USP34: variants seen among roughly 807,000 people sequenced by gnomAD.
USP34 encodes the protein ubiquitin specific peptidase 34.
Under a neutral mutation model 460.3 loss-of-function variants are expected in USP34, and 70 were observed. The ratio of observed to expected loss-of-function variants is 0.15; its 90% CI spans 0.13 to 0.19. USP34 has a LOEUF of 0.19. USP34 is among the 10% of genes least tolerant of loss of function. The pLI is 1.00. For synonymous variants in USP34, 1,647 were observed against 1,405.3 expected, an observed-to-expected ratio of 1.17 and a Z score of -3.85; for missense variants, 3,985 against 4,236.2, an observed-to-expected ratio of 0.94 and a Z score of 1.65.
At chr2:61,296,971 A>T (rs556958573) in intron 29 of USP34, 46 bp from the exon 30 acceptor site, 1 of 1,541,624 alleles carries the variant, frequency 6.5e-7, no homozygotes, top group South Asian at 1.2e-5. Context: ...ATCAGAAAAG[A>T]AAAAGTTTTA....
intron 20 of USP34, among the ~76,000 whole-genome samples, chr2:61,327,054 G>C (rs1265742158): frequency 6.6e-6 from 1 of 151,934 alleles, no homozygotes; most frequent in African/African-American, 2.4e-5. Flanking sequence ...CCAAAGTGCT[G>C]GGATTTCAGG....
At chr2:61,428,546 A>G (rs949819912) in intron 1 of USP34, among the ~76,000 whole-genome samples, 1 of 152,208 alleles carries the variant, frequency 6.6e-6, no homozygotes, top group Non-Finnish European at 1.5e-5. Context: ...CACAACCTAT[A>G]AAACAGTCTT....
chr2:61,403,811 C>A (rs918526443), intron 3 of USP34, among the ~76,000 whole-genome samples: 2 of 151,700 alleles, frequency 1.3e-5, no homozygotes, highest in African/African-American at 2.4e-5. Context: ...CAGGGTGAAG[C>A]CCCATCTCTA....
chr2:61,302,181 GATGA>G (rs1558518686), intron 27 of USP34, among the ~76,000 whole-genome samples: 1 of 152,138 alleles, frequency 6.6e-6, no homozygotes, highest in East Asian at 1.9e-4. Context: ...TTAAATGTCT[GATGA>G]ATAATTTAAA....
chr2:61,321,205 G>C (rs1690909984), intron 21 of USP34, among the ~76,000 whole-genome samples: 1 of 152,106 alleles, frequency 6.6e-6, no homozygotes, highest in Admixed American at 6.5e-5. Flanking sequence ...AGGCGCAGTG[G>C]CTCATGCCTG....
intron 29 of USP34, among the ~76,000 whole-genome samples, chr2:61,297,618 C>G (rs1169839975): frequency 6.6e-6 from 1 of 152,174 alleles, no homozygotes; most frequent in African/African-American, 2.4e-5. Context: ...AAATTTATTA[C>G]TACTGCTACT....
chr2:61,321,815 A>G (rs1177621567), intron 21 of USP34, among the ~76,000 whole-genome samples: 1 of 152,218 alleles, frequency 6.6e-6, no homozygotes, highest in African/African-American at 2.4e-5. Context: ...GGGGGAGGTA[A>G]TCCTAAAAAT....
intron 41 of USP34, among the ~76,000 whole-genome samples, chr2:61,272,321 G>C (rs1426400899): frequency 4.7e-5 from 7 of 149,924 alleles, no homozygotes; most frequent in Admixed American, 4.0e-4. Context: ...TGCAGCGGGA[G>C]AATGGTGTGA....
At chr2:61,373,368 T>C (rs1692690175) in intron 8 of USP34, among the ~76,000 whole-genome samples, 1 of 139,176 alleles carries the variant, frequency 7.2e-6, no homozygotes, top group African/African-American at 2.8e-5. Flanking sequence ...ATATGACTAG[T>C]TTTTTTTTTT....
rs372006766 is a variant in USP34 at position 61,241,719 on chromosome 2, T to C, written c.6681+47A>G. 29 of 1,506,326 alleles carry C rather than the reference T, an allele frequency of 1.9e-5. No homozygotes were observed. In the African/African-American group the frequency reaches 4.0e-4, roughly 21 times the overall value. The allele number at this position is 1,506,326 out of a possible 1,614,324, so 93.3% of individuals were successfully genotyped here. On this transcript the variant is annotated intron_variant, in intron 52 of 79. Transcript: ENST00000398571. Reference sequence around the variant, plus strand: ...AAAGTATTACTCTAAAAGTAGACAATGCAGAAGAAAAAACAATATAAAATT... The same window carrying C: ...AAAGTATTACTCTAAAAGTAGACAACGCAGAAGAAAAAACAATATAAAATT...
At chr2:61,325,794 C>T (rs181995677) in intron 20 of USP34, among the ~76,000 whole-genome samples, 1 of 152,126 alleles carries the variant, frequency 6.6e-6, no homozygotes, top group African/African-American at 2.4e-5. Context: ...TAAAAAACAC[C>T]ATCTCTATCT....
chr2:61,327,262 G>A (rs746746565), intron 20 of USP34, among the ~76,000 whole-genome samples: 1 of 152,128 alleles, frequency 6.6e-6, no homozygotes, highest in Non-Finnish European at 1.5e-5. Context: ...TCTTATTAAT[G>A]CTGGCAAAGA....
At chr2:61,297,998 G>A (rs72813520) in intron 29 of USP34, among the ~76,000 whole-genome samples, 1,893 of 152,102 alleles carry the variant, frequency 0.012, 43 homozygotes, top group Non-Finnish European at 0.012. Context: ...TCATCATTCC[G>A]TTGTAAATAA....
chr2:61,418,371 C>T (rs1173554964), intron 2 of USP34, among the ~76,000 whole-genome samples: 1 of 152,200 alleles, frequency 6.6e-6, no homozygotes, highest in African/African-American at 2.4e-5. Context: ...TGAGCAACCA[C>T]GCTTGGCCTA....
chr2:61,457,810 T>G (rs1012084498), intron 1 of USP34, among the ~76,000 whole-genome samples: 2 of 152,174 alleles, frequency 1.3e-5, no homozygotes, highest in Non-Finnish European at 2.9e-5. Flanking sequence ...ATCATATCAC[T>G]GTACTCCAGC....
At chr2:61,421,444 G>C (rs537304321) in intron 1 of USP34, among the ~76,000 whole-genome samples, 4 of 152,200 alleles carry the variant, frequency 2.6e-5, no homozygotes, top group African/African-American at 9.6e-5. Flanking sequence ...AATAAAAATT[G>C]AACATAACCA....
chr2:61,253,857 C>T (rs1288155772), intron 48 of USP34, among the ~76,000 whole-genome samples: 2 of 152,070 alleles, frequency 1.3e-5, no homozygotes, highest in Non-Finnish European at 2.9e-5. Context: ...GCCCCACCCT[C>T]CCAAGTAGCT....
chr2:61,229,902 T>A (rs941104337), intron 58 of USP34, among the ~76,000 whole-genome samples: 15 of 151,924 alleles, frequency 9.9e-5, no homozygotes, highest in Non-Finnish European at 2.2e-4. Context: ...CTTCAAAAAA[T>A]CCTTTTAGCT....
chr2:61,345,043 C>T (rs1054763546), intron 15 of USP34, among the ~76,000 whole-genome samples: 2 of 152,148 alleles, frequency 1.3e-5, no homozygotes, highest in Non-Finnish European at 2.9e-5. Context: ...GAGGCCGAGG[C>T]AGGCGGATCA....
Sources: allele counts gnomAD v4.1 joint callset (sites outside exome capture counted in the v4.1 genomes callset), GRCh38; gene constraint gnomAD v4.1.1; transcripts MANE v1.5; gene names NCBI Gene and HGNC (gene_info 2026-07-23, HGNC 2026-07-21).